The following RNF38 variants were observed in gnomAD, a reference collection of about 807,000 sequenced individuals.
RNF38 encodes the protein E3 ubiquitin-protein ligase RNF38.
A neutral mutation model predicts 67.2 loss-of-function variants in RNF38; 15 were observed. The observed-to-expected ratio is 0.22, with a 90% confidence interval of 0.15 to 0.34. RNF38 has a LOEUF of 0.34. Ranked by LOEUF, RNF38 falls within the 10% of genes least tolerant of loss-of-function variation. The pLI is 1.00. For synonymous variants in RNF38, 220 were observed against 218.8 expected (o/e 1.01, Z -0.05); for missense variants, 524 against 639.9 (o/e 0.82, Z 1.95).
At chr9:36,469,475 C>A (rs1169821129) in intron 1 of RNF38, among the ~76,000 whole-genome samples, 1 of 151,884 alleles carries the variant, frequency 6.6e-6, no homozygotes, top group Non-Finnish European at 1.5e-5. Flanking sequence ...GCCTGACCAA[C>A]ATGGAGAAAC....
intron 9 of RNF38, among the ~76,000 whole-genome samples, chr9:36,348,121 G>A (rs1162270026): frequency 6.6e-6 from 1 of 151,932 alleles, no homozygotes; most frequent in Non-Finnish European, 1.5e-5. Flanking sequence ...TAGTAAGAAA[G>A]GCATGTCAAA....
chr9:36,355,514 C>A (rs1834035298), intron 6 of RNF38, among the ~76,000 whole-genome samples: 2 of 152,002 alleles, frequency 1.3e-5, no homozygotes, highest in Admixed American at 6.6e-5. Flanking sequence ...AAAAACCAGG[C>A]CTTCAGAAAA....
chr9:36,417,300 C>T (rs932920105), intron 2 of RNF38, among the ~76,000 whole-genome samples: 3 of 152,100 alleles, frequency 2.0e-5, no homozygotes, highest in African/African-American at 7.2e-5. Flanking sequence ...TGTTATGTTC[C>T]TGCGGTAGTT....
intron 1 of RNF38, among the ~76,000 whole-genome samples, chr9:36,453,395 T>G (rs2134344719): frequency 6.6e-6 from 1 of 151,580 alleles, no homozygotes; most frequent in African/African-American, 2.4e-5. Context: ...TTTTTTTTTT[T>G]TTTTTGAGAC....
At chr9:36,418,234 T>C (rs1274418096) in intron 2 of RNF38, among the ~76,000 whole-genome samples, 1 of 151,898 alleles carries the variant, frequency 6.6e-6, no homozygotes, top group South Asian at 2.1e-4. Context: ...TGCCATGTTG[T>C]CCAGGCTGGT....
chr9:36,339,890 T>G (rs572944003), intron 11 of RNF38, 76 bp from the exon 12 acceptor site: 1 of 1,205,428 alleles, frequency 8.3e-7, no homozygotes, highest in Non-Finnish European at 1.2e-6. Flanking sequence ...GGAACTACTT[T>G]TACTTCCCAC....
At chr9:36,440,286 T>G (rs1033727265) in intron 1 of RNF38, among the ~76,000 whole-genome samples, 1 of 151,892 alleles carries the variant, frequency 6.6e-6, no homozygotes, top group Non-Finnish European at 1.5e-5. Flanking sequence ...CTCACGCCTG[T>G]AACCTGTAAT....
chr9:36,482,354 T>TA (rs1463902576), intron 1 of RNF38, among the ~76,000 whole-genome samples: 4 of 622 alleles, frequency 6.4e-3, no homozygotes, highest in Admixed American at 0.054. Context: ...TGCCCAGACC[T>TA]TTTTTTTTTT....
rs561759767 is a variant in RNF38, at chr9:36,372,428, T to C, written c.357-2496A>G. ...TGTTTATTCACAGTTCTTTGTTTTA[T>C]TGCATTTATTAATAGTATCCCTCTT... is the stretch of plus-strand genomic sequence containing the variant. On this transcript the variant is annotated intron_variant, in intron 3 of 11. Coordinates refer to ENST00000259605, the MANE Select transcript of RNF38 (RefSeq NM_022781.5). 2.2e-4 allele frequency: 134 copies of C among 621,036 alleles called. No individual in the cohort carries two copies. The African/African-American group carries it at 2.2e-3, about 10-fold the overall frequency. 38.5% of individuals were successfully genotyped at this position (621,036 alleles called of 1,614,324 possible). A position where few individuals can be genotyped will look rare whatever the true frequency, so the allele number is the denominator to read the frequency against.
At chr9:36,435,516 C>A (rs1029563013) in intron 1 of RNF38, among the ~76,000 whole-genome samples, 7 of 151,952 alleles carry the variant, frequency 4.6e-5, no homozygotes, top group Non-Finnish European at 8.8e-5. Context: ...GAATAACAGG[C>A]ATCATTTAGA....
intron 5 of RNF38, 94 bp from the exon 6 acceptor site, chr9:36,356,567 T>A: frequency 9.9e-7 from 1 of 1,008,492 alleles, no homozygotes; most frequent in Non-Finnish European, 1.4e-6. Flanking sequence ...TTGTCACACC[T>A]CTCCCAAAAT....
At chr9:36,471,379 A>C (rs932556436) in intron 1 of RNF38, among the ~76,000 whole-genome samples, 2 of 152,248 alleles carry the variant, frequency 1.3e-5, no homozygotes, top group Non-Finnish European at 2.9e-5. Context: ...TGGGAAAAAT[A>C]ATATAACTAT....
chr9:36,469,612 G>A (rs1839951007), intron 1 of RNF38, among the ~76,000 whole-genome samples: 1 of 152,226 alleles, frequency 6.6e-6, no homozygotes, highest in South Asian at 2.1e-4. Flanking sequence ...GGTGAGCCAA[G>A]ATGGCGCCAT....
In RNF38 at chr9:36,351,145, A is replaced by G; in HGVS notation, c.1233T>C (p.Asp411=). The G allele has an allele frequency of 6.2e-7, 1 of 1,612,876 alleles. No homozygotes were observed. The highest frequency in any genetic ancestry group is 1.7e-5 in the Admixed American group (1 of 59,890). ...AVGPTFSFEL[D]VEDGEVENYE... ...AATTTTCTACTTCTCCATCTTCTACATCTAATTCAAAGCTGAAAGTTGGGC... is the reference window on the plus strand; with the variant it reads ...AATTTTCTACTTCTCCATCTTCTACGTCTAATTCAAAGCTGAAAGTTGGGC... Residue 411 remains aspartate, a synonymous_variant, in exon 9 of 12, where the codon GAT becomes GAC. Coordinates refer to ENST00000259605, the MANE Select transcript of RNF38 (RefSeq NM_022781.5).
intron 9 of RNF38, among the ~76,000 whole-genome samples, chr9:36,347,847 C>A (rs899860276): frequency 6.6e-6 from 1 of 151,030 alleles, no homozygotes; most frequent in Non-Finnish European, 1.5e-5. Flanking sequence ...GGAGGCTGAG[C>A]GGGTGGATCA....
chr9:36,342,480 TGAC>T (rs1832923652), intron 10 of RNF38, 56 bp from the exon 11 acceptor site: 2 of 1,075,526 alleles, frequency 1.9e-6, no homozygotes, highest in Non-Finnish European at 2.9e-6. Flanking sequence ...TCTATTGTTA[TGAC>T]TACTGAAACC....
At position 36,438,300 on chromosome 9, in the gene RNF38, A is replaced by C. The variant is rs535445006; in HGVS notation, n.242-13617T>G. On this transcript the variant is annotated intron_variant and non_coding_transcript_variant, in intron 1 of 3. Coordinates refer to the RNF38 transcript ENST00000488058. ...AAGATTCTCAAAAGGTAGATCCGATACTCTAAATAAGCTTGTCCAACCCGT... is the reference window on the plus strand; with the variant it reads ...AAGATTCTCAAAAGGTAGATCCGATCCTCTAAATAAGCTTGTCCAACCCGT... Among the ~76,000 whole-genome samples the C allele has an allele frequency of 4.6e-5, 7 of 152,042 alleles. No individual in the cohort carries two copies. The East Asian group carries it at 1.2e-3, about 25-fold the overall frequency.
intron 1 of RNF38, among the ~76,000 whole-genome samples, chr9:36,473,714 C>T (rs769848591): frequency 9.2e-5 from 14 of 151,492 alleles, no homozygotes; most frequent in South Asian, 2.1e-4. Flanking sequence ...TGTCCAGGCG[C>T]GGTGGCTCAC....
intron 2 of RNF38, among the ~76,000 whole-genome samples, chr9:36,408,663 G>GACACCAGTGAGAACACCTTAGGAAC (rs1838242834): frequency 6.6e-6 from 1 of 152,168 alleles, no homozygotes; most frequent in African/African-American, 2.4e-5. Flanking sequence ...GGAAGCTGGT[G>GACACCAGTGAGAACACCTTAGGAAC]ACCAATGGGC....
Sources: gnomAD v4.1 joint callset for allele counts (sites outside exome capture counted in the v4.1 genomes callset) on GRCh38, gnomAD v4.1.1 for gene constraint, MANE v1.5 for transcripts, NCBI Gene and HGNC (gene_info 2026-07-23, HGNC 2026-07-21) for gene names.